Variants in MBD5 observed in about 807,000 individuals in gnomAD.
MBD5 encodes the protein methyl-CpG binding domain protein 5.
MBD5 carries 13 observed loss-of-function variants against 117.3 expected under a neutral mutation model. The observed-to-expected ratio is 0.11, with a 90% CI of 0.07 to 0.18. The LOEUF (loss-of-function observed/expected upper bound fraction) is 0.18, where lower values mean the gene tolerates loss of function less well. Among genes scored for constraint, MBD5 ranks in the 10% least tolerant of loss-of-function variants. The pLI, the probability that MBD5 is intolerant of heterozygous loss-of-function variation, is 1.00. For synonymous variants in MBD5, 727 were observed against 766.4 expected (o/e 0.95, Z 0.85); for missense variants, 1,879 against 2,093.8 (o/e 0.90, Z 2.00).
intron 2 of MBD5, among the ~76,000 whole-genome samples, chr2:148,184,323 T>C (rs1698601065): frequency 6.6e-6 from 1 of 152,172 alleles, no homozygotes; most frequent in African/African-American, 2.4e-5. Flanking sequence ...TATTTTTCTT[T>C]CTGAGTCTCC....
intron 1 of MBD5, among the ~76,000 whole-genome samples, chr2:148,143,088 A>G (rs984938168): frequency 2.6e-5 from 4 of 152,198 alleles, no homozygotes; most frequent in Admixed American, 1.3e-4. Flanking sequence ...AAGTCAACCA[A>G]TAGGGTTTAA....
intron 1 of MBD5, among the ~76,000 whole-genome samples, chr2:148,073,018 C>T (rs538037946): frequency 1.3e-5 from 2 of 152,174 alleles, no homozygotes; most frequent in South Asian, 2.1e-4. Flanking sequence ...TTCCCAAGGC[C>T]TTAGGCACCC....
chr2:148,061,730 A>G (rs1457087223), intron 1 of MBD5, among the ~76,000 whole-genome samples: 2 of 152,002 alleles, frequency 1.3e-5, no homozygotes, highest in South Asian at 2.1e-4. Context: ...GAATCAGTCT[A>G]TGAAAACTTT....
At position 148,323,721 on chromosome 2, in the gene MBD5, C is replaced by A. The variant is rs541442538; in HGVS notation, c.-679-18493C>A. ...TGTTTTTTTCTTGTAAATTTGAGTT[C>A]ATTGTAGATTGTGGATATTAGCCCT... On this transcript the variant is annotated intron_variant, in intron 3 of 13. Coordinates refer to ENST00000642680, the MANE Select transcript of MBD5 (RefSeq NM_001378120.1). Among the ~76,000 whole-genome samples, 628 of 152,182 alleles carry A rather than the reference C, an allele frequency of 4.1e-3. 5 individuals carry two copies. The highest frequency in any genetic ancestry group is 0.014 in the African/African-American group (589 of 41,534).
chr2:148,068,133 C>G (rs1695253815), intron 1 of MBD5, among the ~76,000 whole-genome samples: 2 of 152,240 alleles, frequency 1.3e-5, no homozygotes, highest in East Asian at 3.9e-4. Flanking sequence ...CATGAAGCCT[C>G]TAGGTCAGTG....
At chr2:148,074,569 C>T (rs1488036774) in intron 1 of MBD5, among the ~76,000 whole-genome samples, 39 of 139,878 alleles carry the variant, frequency 2.8e-4, no homozygotes, top group Admixed American at 7.1e-4. Flanking sequence ...GTCGCCATCT[C>T]GGCTCACTGC....
At chr2:148,094,009 T>C (rs1412504632) in intron 1 of MBD5, among the ~76,000 whole-genome samples, 1 of 152,186 alleles carries the variant, frequency 6.6e-6, no homozygotes, top group African/African-American at 2.4e-5. Context: ...TGTGTTCTCT[T>C]TTATAGATAA....
intron 13 of MBD5, among the ~76,000 whole-genome samples, chr2:148,511,092 C>A (rs1220620184): frequency 1.3e-5 from 2 of 152,110 alleles, no homozygotes; most frequent in Non-Finnish European, 2.9e-5. Context: ...AAGGGTTGCT[C>A]CACACCAGGG....
intron 4 of MBD5, among the ~76,000 whole-genome samples, chr2:148,438,199 C>T (rs1424433169): frequency 2.6e-5 from 4 of 152,282 alleles, no homozygotes; most frequent in South Asian, 2.1e-4. Flanking sequence ...TGTGAAGCTA[C>T]GGAAGTCATA....
chr2:148,254,180 A>T (rs1422315050), intron 3 of MBD5, among the ~76,000 whole-genome samples: 1 of 152,220 alleles, frequency 6.6e-6, no homozygotes, highest in African/African-American at 2.4e-5. Context: ...GGGGTTCATC[A>T]GCAAGGCTCT....
chr2:148,382,315 A>G (rs557541257), intron 4 of MBD5, among the ~76,000 whole-genome samples: 8 of 152,316 alleles, frequency 5.3e-5, no homozygotes, highest in African/African-American at 1.9e-4. Flanking sequence ...CTAGTCTCGG[A>G]TAAAACAGAC....
chr2:148,510,156 AT>A, intron 13 of MBD5, 21 bp downstream of exon 13: 1 of 1,546,938 alleles, frequency 6.5e-7, no homozygotes, highest in Non-Finnish European at 8.9e-7. Context: ...TTATTTTTCC[AT>A]TATACTACGT....
intron 12 of MBD5, chr2:148,502,847 A>G: frequency 2.6e-6 from 1 of 388,528 alleles, no homozygotes; most frequent in Admixed American, 4.0e-5. Context: ...TAGTGAATCA[A>G]TCCATTTGCA....
At chr2:148,162,952 A>G (rs1698043936) in intron 1 of MBD5, among the ~76,000 whole-genome samples, 1 of 152,226 alleles carries the variant, frequency 6.6e-6, no homozygotes, top group South Asian at 2.1e-4. Flanking sequence ...AAAATACTTA[A>G]CAGCCACCTT....
chr2:148,288,183 G>C lies in MBD5; in HGVS notation c.-679-54031G>C, dbSNP rs1161423003. 7.5e-5 allele frequency among the ~76,000 whole-genome samples: 11 copies of C among 147,476 alleles called. No homozygotes were observed. In the East Asian group the frequency reaches 2.0e-3, roughly 27 times the overall value. On this transcript the variant is annotated intron_variant, in intron 3 of 13. Coordinates refer to ENST00000642680, the MANE Select transcript of MBD5 (RefSeq NM_001378120.1). ...TGGGAGGCCGAGGCAGGCGGATCAC[G>C]AGGTCAGGAGATCGAGACCATCCCG...
intron 4 of MBD5, among the ~76,000 whole-genome samples, chr2:148,350,088 T>A (rs1703216080): frequency 6.6e-6 from 1 of 151,886 alleles, no homozygotes; most frequent in African/African-American, 2.4e-5. Flanking sequence ...AATGCCCCCA[T>A]AACCTAAGGA....
chr2:148,098,571 T>C (rs1289753627), intron 1 of MBD5, among the ~76,000 whole-genome samples: 1 of 152,104 alleles, frequency 6.6e-6, no homozygotes, highest in African/African-American at 2.4e-5. Context: ...AAGAGGTTAT[T>C]AACTTTCACA....
Position 148,516,884 on chromosome 2 carries a change from G to T in MBD5, c.*3943G>T, listed in dbSNP as rs1682353201. ...AAGTTGTCTATAAATTGGAAAATTT[G>T]ATGCCAGATGGCTTCATAATATACA... On this transcript the variant is annotated 3_prime_UTR_variant, in exon 14 of 14. Coordinates refer to ENST00000642680, the MANE Select transcript of MBD5 (RefSeq NM_001378120.1). 6.6e-6 allele frequency: 1 copy of T among 152,148 alleles called. No individual in the cohort carries two copies. The allele number at this position is 152,148 out of a possible 1,614,324, so 9.4% of individuals were successfully genotyped here. A position where few individuals can be genotyped will look rare whatever the true frequency, so the allele number is the denominator to read the frequency against.
chr2:148,448,529 A>G (rs1037304386), intron 4 of MBD5, among the ~76,000 whole-genome samples: 1 of 151,682 alleles, frequency 6.6e-6, no homozygotes, highest in Non-Finnish European at 1.5e-5. Flanking sequence ...TGATTTATTT[A>G]TATTTGTTTA....
Sources: allele counts gnomAD v4.1 joint callset (sites outside exome capture counted in the v4.1 genomes callset), GRCh38; gene constraint gnomAD v4.1.1; transcripts MANE v1.5; gene names NCBI Gene and HGNC (gene_info 2026-07-23, HGNC 2026-07-21).